The following ATP10A variants were observed in gnomAD, a reference collection of about 807,000 sequenced individuals.
ATP10A encodes the protein ATPase phospholipid transporting 10A (putative).
ATP10A carries 111 observed loss-of-function variants against 147.8 expected under a neutral mutation model. The ratio of observed to expected loss-of-function variants is 0.75; its 90% CI spans 0.64 to 0.88. The LOEUF (loss-of-function observed/expected upper bound fraction) is 0.88, where lower values mean the gene tolerates loss of function less well. ATP10A is among the 40% of genes least tolerant of loss of function. The probability of loss-of-function intolerance (pLI) is 0.00; values close to 1 mark genes in which losing one functional copy is unlikely to be tolerated. For synonymous variants in ATP10A, 875 were observed against 841.6 expected (o/e 1.04, Z -0.69); for missense variants, 1,927 against 1,959.0 (o/e 0.98, Z 0.31).
chr15:25,712,177 G>C (rs1029558711), intron 10 of ATP10A, among the ~76,000 whole-genome samples: 3 of 152,186 alleles, frequency 2.0e-5, no homozygotes, highest in South Asian at 4.1e-4. Flanking sequence ...TAATTTTTTG[G>C]GGGGGACGGG....
intron 1 of ATP10A, among the ~76,000 whole-genome samples, chr15:25,806,594 G>A (rs912028621): frequency 6.6e-6 from 1 of 152,130 alleles, no homozygotes; most frequent in African/African-American, 2.4e-5. Context: ...TTACAGGTGT[G>A]AGCCACCGCA....
chr15:25,772,489 T>A (rs866872687), intron 2 of ATP10A, among the ~76,000 whole-genome samples: 49 of 152,150 alleles, frequency 3.2e-4, no homozygotes, highest in African/African-American at 1.1e-3. Context: ...GAGTCTGTCC[T>A]CGCAGAATTT....
intron 18 of ATP10A, 32 bp downstream of exon 18, chr15:25,680,962 G>C: frequency 6.2e-7 from 1 of 1,613,684 alleles, no homozygotes; most frequent in Non-Finnish European, 8.5e-7. Flanking sequence ...GATCCAGCTG[G>C]TAAGAAAAAC....
At position 25,726,072 on chromosome 15, in the gene ATP10A, G is replaced by A; in HGVS notation, c.858C>T (p.Thr286=). The change falls in exon 5 of 21, where the codon ACC becomes ACT. Residue 286 remains threonine, a synonymous_variant. Coordinates refer to ENST00000555815, the MANE Select transcript of ATP10A (RefSeq NM_024490.4). The part of the protein sequence containing the change: ...VGIVIYAGHE[T]KALLNNSGPR... ...GCCCACTGTTGTTCAGCAGAGCCTT[G>A]GTTTCATGTCCTGTCGGGGAGGACA... is the stretch of plus-strand genomic sequence containing the variant. 2.5e-6 allele frequency: 4 copies of A among 1,613,876 alleles called. No homozygotes were observed.
At chr15:25,687,973 C>T (rs748092905) in intron 15 of ATP10A, 145 bp from the exon 16 acceptor site, 135 of 1,063,322 alleles carry the variant, frequency 1.3e-4, no homozygotes, top group Admixed American at 2.5e-4. Context: ...GGGTCTCCAT[C>T]GCTGTCGTCT....
At chr15:25,707,593 T>A (rs1446823660) in intron 12 of ATP10A, among the ~76,000 whole-genome samples, 1 of 152,232 alleles carries the variant, frequency 6.6e-6, no homozygotes, top group African/African-American at 2.4e-5. Context: ...ACCTCGAATC[T>A]GTGAAACATT....
intron 2 of ATP10A, among the ~76,000 whole-genome samples, chr15:25,750,552 G>C (rs188243410): frequency 3.2e-4 from 49 of 152,174 alleles, no homozygotes; most frequent in Admixed American, 1.2e-3. Flanking sequence ...TGTTTGTTTT[G>C]TTATTTGACA....
chr15:25,834,033 T>C (rs1332558390), intron 1 of ATP10A, among the ~76,000 whole-genome samples: 1 of 152,140 alleles, frequency 6.6e-6, no homozygotes, highest in African/African-American at 2.4e-5. Flanking sequence ...CAATACATTG[T>C]CATTATTTAT....
At chr15:25,702,472 C>T (rs976743423) in intron 12 of ATP10A, among the ~76,000 whole-genome samples, 4 of 152,154 alleles carry the variant, frequency 2.6e-5, no homozygotes, top group East Asian at 1.9e-4. Context: ...TTGGGAATGA[C>T]GATATTCGGA....
intron 1 of ATP10A, among the ~76,000 whole-genome samples, chr15:25,812,587 A>T (rs1891480137): frequency 6.6e-6 from 1 of 152,186 alleles, no homozygotes; most frequent in African/African-American, 2.4e-5. Flanking sequence ...AATCGACCTG[A>T]CTTAAACACA....
intron 1 of ATP10A, among the ~76,000 whole-genome samples, chr15:25,821,217 T>C (rs1433861208): frequency 2.6e-5 from 4 of 152,010 alleles, no homozygotes; most frequent in African/African-American, 9.7e-5. Context: ...CTGGGCTACA[T>C]AGCTAGACCC....
chr15:25,713,766 A>G lies in ATP10A; in HGVS notation c.2252T>C (p.Val751Ala). The change falls in exon 10 of 21, where the codon GTG becomes GCG. Residue 751 changes from valine to alanine, a missense_variant. Transcript: ENST00000555815. ...ATCGGTAAGCGGGTGCCGGATCACC[A>G]CTGACATCCTCTTGCGGACGGAATC... ...GFDSVRKRMS[V>A]VIRHPLTDEI... 1 of 1,614,104 alleles carries G rather than the reference A, an allele frequency of 6.2e-7. No homozygotes were observed. The highest frequency in any genetic ancestry group is 8.5e-7 in the Non-Finnish European group (1 of 1,180,010).
At chr15:25,696,565 G>A (rs546397784) in intron 13 of ATP10A, among the ~76,000 whole-genome samples, 1 of 152,238 alleles carries the variant, frequency 6.6e-6, no homozygotes, top group African/African-American at 2.4e-5. Context: ...AGAGCTCTGA[G>A]AGGGAGTAGC....
chr15:25,821,648 A>G lies in ATP10A; in HGVS notation c.450-40425T>C, dbSNP rs555100424. On this transcript the variant is annotated intron_variant, in intron 1 of 20. Transcript: ENST00000555815. ...GGAAGAGTGCACAAATTTGTCTACA[A>G]GGATCTATGCCCAGGTCAAAACAAA... Among the ~76,000 whole-genome samples the G allele has an allele frequency of 2.0e-5, 3 of 152,290 alleles. No homozygotes were observed. In the East Asian group the frequency reaches 5.8e-4, roughly 29 times the overall value.
intron 1 of ATP10A, among the ~76,000 whole-genome samples, chr15:25,813,962 A>C (rs1454709835): frequency 6.6e-6 from 1 of 152,130 alleles, no homozygotes; most frequent in Non-Finnish European, 1.5e-5. Flanking sequence ...GAAACAGAGA[A>C]ACATGCTTAA....
At chr15:25,715,227 C>A (rs1216279298) in intron 9 of ATP10A, among the ~76,000 whole-genome samples, 1 of 152,214 alleles carries the variant, frequency 6.6e-6, no homozygotes, top group Non-Finnish European at 1.5e-5. Context: ...GATACAGGTG[C>A]TTTTCCTTTG....
chr15:25,795,932 C>T (rs1890651698), intron 1 of ATP10A, among the ~76,000 whole-genome samples: 2 of 152,020 alleles, frequency 1.3e-5, no homozygotes, highest in Non-Finnish European at 2.9e-5. Flanking sequence ...GAGCCTGGCA[C>T]CCCCCTCCTC....
intron 2 of ATP10A, among the ~76,000 whole-genome samples, chr15:25,740,790 C>T (rs1409402860): frequency 6.6e-6 from 1 of 152,204 alleles, no homozygotes; most frequent in Admixed American, 6.5e-5. Context: ...AAGTTTTCCA[C>T]CTTAACAAAG....
intron 10 of ATP10A, chr15:25,708,961 G>A (rs1406709067): frequency 6.6e-6 from 1 of 152,368 alleles, no homozygotes; most frequent in Non-Finnish European, 1.5e-5. Flanking sequence ...CATGAGGCCC[G>A]TGGCCCAGGA....
Sources: gnomAD v4.1 joint callset for allele counts (sites outside exome capture counted in the v4.1 genomes callset) on GRCh38, gnomAD v4.1.1 for gene constraint, MANE v1.5 for transcripts, NCBI Gene and HGNC (gene_info 2026-07-23, HGNC 2026-07-21) for gene names.